Variants in ANGPT2 observed in about 807,000 individuals in gnomAD.
ANGPT2 encodes the protein angiopoietin-2.
Under a neutral mutation model 62.9 loss-of-function variants are expected in ANGPT2, and 28 were observed. That is an observed-to-expected ratio of 0.44 (90% CI 0.33 to 0.61). The LOEUF (loss-of-function observed/expected upper bound fraction) is 0.61. ANGPT2 is among the 20% of genes least tolerant of loss of function. ANGPT2 has a pLI of 0.03. For synonymous variants in ANGPT2, 284 were observed against 207.8 expected (o/e 1.37, Z -3.15); for missense variants, 727 against 594.9 (o/e 1.22, Z -2.31).
At chr8:6,522,114 G>C (rs1817466051) in intron 3 of ANGPT2, among the ~76,000 whole-genome samples, 1 of 152,206 alleles carries the variant, frequency 6.6e-6, no homozygotes, top group Non-Finnish European at 1.5e-5. Flanking sequence ...CCAGCACTTT[G>C]GGAGGCCGAG....
At chr8:6,550,566 G>T (rs1563111010) in intron 1 of ANGPT2, among the ~76,000 whole-genome samples, 1 of 152,210 alleles carries the variant, frequency 6.6e-6, no homozygotes. Flanking sequence ...GGGGTGAGGG[G>T]TGTGCTTCTG....
At chr8:6,546,799 G>T (rs1822660155) in intron 1 of ANGPT2, among the ~76,000 whole-genome samples, 1 of 152,150 alleles carries the variant, frequency 6.6e-6, no homozygotes, top group Non-Finnish European at 1.5e-5. Context: ...TCCAAGTATT[G>T]CCTTTAATTG....
chr8:6,531,697 A>G (rs1252979543), intron 2 of ANGPT2, among the ~76,000 whole-genome samples: 3 of 152,146 alleles, frequency 2.0e-5, no homozygotes, highest in Non-Finnish European at 2.9e-5. Context: ...CCAACCCTTT[A>G]TATTATTTGA....
intron 1 of ANGPT2, among the ~76,000 whole-genome samples, chr8:6,537,508 G>C (rs989059890): frequency 1.3e-5 from 2 of 151,560 alleles, no homozygotes; most frequent in East Asian, 3.9e-4. Flanking sequence ...GCAGCGCATC[G>C]AAACTCAAGC....
chr8:6,533,776 T>C (rs1819984213), intron 1 of ANGPT2, among the ~76,000 whole-genome samples: 1 of 152,130 alleles, frequency 6.6e-6, no homozygotes, highest in Non-Finnish European at 1.5e-5. Context: ...GAATTCTTTA[T>C]AGAGAAACCA....
Position 6,532,488 on chromosome 8 carries a change from C to G in ANGPT2, c.289-1G>C. ...TGTTGTCCTGGATATAATTCTCAAG[C>G]TAGAAAAGAACAGTGTTAGAAGGCA... On this transcript the variant is annotated splice_acceptor_variant, in intron 1 of 8. Transcript: ENST00000629816. LOFTEE classifies it high-confidence loss of function. 3 of 1,609,130 alleles carry G rather than the reference C, an allele frequency of 1.9e-6. No individual in the cohort carries two copies. Among genetic ancestry groups the G allele is most frequent in the African/African-American group, 2.7e-5 (2 of 74,310 alleles).
chr8:6,562,712 C>T lies in ANGPT2; in HGVS notation c.223G>A (p.Asp75Asn). ...AGCACTTGCAGCCTCTGCACCGAGT[C>T]ATCGTATTCGAGCGGCGCGTCCCTC... ...VQRDAPLEYD[D>N]SVQRLQVLEN... The change falls in exon 1 of 9, where the codon GAC becomes AAC. Residue 75 changes from aspartate to asparagine, a missense_variant. Asp to Asn is a conservative substitution (Grantham distance 23). Coordinates refer to ENST00000629816, the MANE Select transcript of ANGPT2 (RefSeq NM_001118887.2). 1.2e-6 allele frequency: 2 copies of T among 1,613,330 alleles called. No individual in the cohort carries two copies. Among genetic ancestry groups the T allele is most frequent in the South Asian group, 1.1e-5 (1 of 91,056 alleles).
intron 5 of ANGPT2, among the ~76,000 whole-genome samples, chr8:6,517,198 C>G (rs1692300046): frequency 6.6e-6 from 1 of 152,186 alleles, no homozygotes; most frequent in South Asian, 2.1e-4. Flanking sequence ...CCTTACCACT[C>G]CAATTACAAC....
At chr8:6,562,546 C>G in intron 1 of ANGPT2, 101 bp downstream of exon 1, 4 of 133,906 alleles carry the variant, frequency 3.0e-5, no homozygotes, top group Non-Finnish European at 3.8e-5. Context: ...CCTCTTCATC[C>G]TCCTTCTTTT....
intron 6 of ANGPT2, among the ~76,000 whole-genome samples, chr8:6,514,221 A>C (rs781455973): frequency 2.0e-5 from 3 of 152,074 alleles, no homozygotes; most frequent in Non-Finnish European, 4.4e-5. Context: ...TGAGAGTCTT[A>C]CTCTGTTGCC....
chr8:6,517,150 G>T lies in ANGPT2; in HGVS notation c.928-2372C>A, dbSNP rs117342161. 1.7e-4 allele frequency among the ~76,000 whole-genome samples: 26 copies of T among 152,288 alleles called. No individual in the cohort carries two copies. The East Asian group carries it at 4.8e-3, about 28-fold the overall frequency. On this transcript the variant is annotated intron_variant, in intron 5 of 8. Coordinates refer to ENST00000629816, the MANE Select transcript of ANGPT2 (RefSeq NM_001118887.2). The stretch of plus-strand genomic sequence containing the variant: ...AAAAGTGCTGAAATTGATTATATCA[G>T]GATCAGCAAAGCAGAAGTCCTCAGA...
rs373427487 is a variant in ANGPT2 at position 6,519,853 on chromosome 8, G to C, written c.927+11C>G. 485 of 1,613,228 alleles carry C rather than the reference G, an allele frequency of 3.0e-4. No homozygotes were observed. Among genetic ancestry groups the C allele is most frequent in the Non-Finnish European group, 3.7e-4 (440 of 1,179,496 alleles). On this transcript the variant is annotated intron_variant, in intron 5 of 8. Transcript: ENST00000629816. Reference sequence around the variant, plus strand: ...AGCCAGGGAGTTAGTAAGGGGAGACGAATACCTCACCTTGATCTCTTCTGT... The same window carrying C: ...AGCCAGGGAGTTAGTAAGGGGAGACCAATACCTCACCTTGATCTCTTCTGT...
intron 3 of ANGPT2, among the ~76,000 whole-genome samples, chr8:6,522,701 G>A (rs920100433): frequency 6.6e-6 from 1 of 151,598 alleles, no homozygotes; most frequent in Non-Finnish European, 1.5e-5. Context: ...TTGAACCCGG[G>A]AGGTGGAGGT....
chr8:6,558,055 A>C (rs1302567444), intron 1 of ANGPT2, among the ~76,000 whole-genome samples: 2 of 152,056 alleles, frequency 1.3e-5, no homozygotes, highest in Non-Finnish European at 2.9e-5. Flanking sequence ...TAGTTACCTC[A>C]GTCTTTCAAA....
chr8:6,552,789 C>A (rs1044065130), intron 1 of ANGPT2, among the ~76,000 whole-genome samples: 1 of 150,920 alleles, frequency 6.6e-6, no homozygotes, highest in African/African-American at 2.5e-5. Context: ...AGAGATCACT[C>A]AACAATTGTT....
rs2129565837 is a variant in ANGPT2, at chr8:6,508,926, C to T, written c.1327+6G>A. 1.9e-6 allele frequency: 3 copies of T among 1,614,086 alleles called. No homozygotes were observed. In the East Asian group the frequency reaches 6.7e-5, roughly 36 times the overall value. Reference sequence around the variant, plus strand: ...TACAAATAGGAAGACAGAAAGTCATCCCTACCTCCTGTTAGCATTTGTGAA... The same window carrying T: ...TACAAATAGGAAGACAGAAAGTCATTCCTACCTCCTGTTAGCATTTGTGAA... On this transcript the variant is annotated splice_donor_region_variant and intron_variant, in intron 8 of 8. Transcript: ENST00000629816.
intron 2 of ANGPT2, among the ~76,000 whole-genome samples, chr8:6,529,113 G>T (rs1209021680): frequency 6.6e-6 from 1 of 152,170 alleles, no homozygotes; most frequent in South Asian, 2.1e-4. Context: ...AGTCATGATT[G>T]GCCCAGTAGT....
chr8:6,522,165 C>G (rs1817478879), intron 3 of ANGPT2, among the ~76,000 whole-genome samples: 1 of 151,846 alleles, frequency 6.6e-6, no homozygotes, highest in Non-Finnish European at 1.5e-5. Flanking sequence ...AGTATCCTGG[C>G]TAACACGGTG....
intron 3 of ANGPT2, among the ~76,000 whole-genome samples, chr8:6,522,101 A>G (rs1817463014): frequency 6.6e-6 from 1 of 152,210 alleles, no homozygotes; most frequent in Non-Finnish European, 1.5e-5. Context: ...CACGCTTGTA[A>G]TCCCAGCACT....
Sources: gnomAD v4.1 joint callset for allele counts (sites outside exome capture counted in the v4.1 genomes callset) on GRCh38, gnomAD v4.1.1 for gene constraint, MANE v1.5 for transcripts, NCBI Gene and HGNC (gene_info 2026-07-23, HGNC 2026-07-21) for gene names.